NAGK: variants seen among roughly 807,000 people sequenced by gnomAD.
NAGK encodes N-acetyl-D-glucosamine kinase.
NAGK carries 35 observed loss-of-function variants against 42.9 expected under a neutral mutation model. That is an observed-to-expected ratio of 0.82 (90% CI 0.62 to 1.08). The LOEUF (loss-of-function observed/expected upper bound fraction) is 1.08. Among genes scored for constraint, NAGK ranks in the 50% least tolerant of loss-of-function variants. The pLI is 0.00. For synonymous variants in NAGK, 172 were observed against 176.0 expected, an observed-to-expected ratio of 0.98 and a Z score of 0.18; for missense variants, 446 against 446.0, an observed-to-expected ratio of 1.00 and a Z score of 0.00.
chr2:71,075,788 G>C (rs1205603464), intron 7 of NAGK, 146 bp downstream of exon 7: 5 of 773,410 alleles, frequency 6.5e-6, no homozygotes, highest in African/African-American at 5.2e-5. Flanking sequence ...CCTTGGTGGT[G>C]GTGGGCCTTG....
intron 7 of NAGK, chr2:71,076,358 C>G (rs929318263): frequency 2.5e-6 from 1 of 407,788 alleles, no homozygotes; most frequent in East Asian, 5.1e-5. Flanking sequence ...GCTGCCCTCC[C>G]TTCCTGAGTT....
chr2:71,078,206 GCATCTCTA>G, intron 9 of NAGK, 104 bp from the exon 10 acceptor site: 2 of 1,058,012 alleles, frequency 1.9e-6, no homozygotes, highest in Admixed American at 4.6e-5. Flanking sequence ...GGCCCCTCCA[GCATCTCTA>G]CAGGAGTACC....
chr2:71,068,541 C>CGCGCAT, upstream of NAGK: 2 of 1,471,348 alleles, frequency 1.4e-6, no homozygotes, highest in Non-Finnish European at 1.8e-6. Context: ...CGCCCCGCCC[C>CGCGCAT]GCGCATGCGC....
intron 6 of NAGK, among the ~76,000 whole-genome samples, chr2:71,074,116 G>A (rs1315259741): frequency 1.3e-5 from 2 of 152,178 alleles, no homozygotes; most frequent in East Asian, 3.8e-4. Flanking sequence ...TGGTAAGTTA[G>A]GAAACATCTG....
intron 8 of NAGK, among the ~76,000 whole-genome samples, chr2:71,076,916 A>G (rs1672232159): frequency 6.6e-6 from 1 of 152,168 alleles, no homozygotes; most frequent in Non-Finnish European, 1.5e-5. Context: ...ATTTATGTAT[A>G]GTAAATTAGT....
chr2:71,072,867 C>T (rs961691763), intron 5 of NAGK, 116 bp downstream of exon 5: 1 of 876,754 alleles, frequency 1.1e-6, no homozygotes, highest in African/African-American at 1.7e-5. Context: ...GGGACAACTC[C>T]TGAACCTGGC....
chr2:71,071,310 A>T (rs758016373), intron 3 of NAGK: 4 of 287,634 alleles, frequency 1.4e-5, no homozygotes, highest in Non-Finnish European at 2.6e-5. Flanking sequence ...AGCTCCAGCT[A>T]CTCCCTGGAC....
intron 9 of NAGK, 137 bp from the exon 10 acceptor site, chr2:71,078,181 G>A (rs1011365404): frequency 8.5e-5 from 67 of 785,014 alleles, no homozygotes; most frequent in Middle Eastern, 4.6e-4. Flanking sequence ...CTGTGTGCTG[G>A]GCACTTGGCA....
intron 6 of NAGK, 25 bp downstream of exon 6, chr2:71,073,619 A>C (rs1227635577): frequency 1.9e-6 from 3 of 1,544,156 alleles, no homozygotes; most frequent in Non-Finnish European, 2.7e-6. Flanking sequence ...CCCAGTAAAC[A>C]TGCGCACCTG....
chr2:71,078,301 T>C lies in NAGK; in HGVS notation c.845-17T>C. 1 of 1,611,846 alleles carries C rather than the reference T, an allele frequency of 6.2e-7. No individual in the cohort carries two copies. Among genetic ancestry groups the C allele is most frequent in the East Asian group, 2.2e-5 (1 of 44,874 alleles). On this transcript the variant is annotated splice_polypyrimidine_tract_variant and intron_variant, in intron 9 of 9. Transcript: ENST00000244204. ...GCTGTTCTCCTCTTATCTCTGTCCT[T>C]GTGTTCTTCCCTCCAGGTTTTCTTC...
At chr2:71,076,736 TG>T (rs755588363) in intron 8 of NAGK, 35 bp downstream of exon 8, 129 of 1,570,494 alleles carry the variant, frequency 8.2e-5, no homozygotes, top group Non-Finnish European at 1.1e-4. Flanking sequence ...GGGGAGCTGC[TG>T]GGTGAGGAGT....
At chr2:71,076,855 A>C (rs1016220656) in intron 8 of NAGK, among the ~76,000 whole-genome samples, 154 bp downstream of exon 8, 2 of 152,192 alleles carry the variant, frequency 1.3e-5, no homozygotes, top group African/African-American at 2.4e-5. Context: ...TGTCTGTAAC[A>C]AAAAAGTTCT....
In NAGK at chr2:71,078,911, C is replaced by T. The variant is rs1436366005; in HGVS notation, c.*403C>T. 2 of 164,036 alleles carry T rather than the reference C, an allele frequency of 1.2e-5. No homozygotes were observed. Among genetic ancestry groups the T allele is most frequent in the African/African-American group, 2.4e-5 (1 of 41,702 alleles). 10.2% of individuals were successfully genotyped at this position (164,036 alleles called of 1,614,324 possible). On this transcript the variant is annotated 3_prime_UTR_variant, in exon 10 of 10. Coordinates refer to ENST00000244204, the MANE Select transcript of NAGK (RefSeq NM_017567.6). ...CTGTCGTGTCAAGTGGGTAACGATC[C>T]CTGGCGACCACAGTCAGCAGAAACA...
intron 3 of NAGK, chr2:71,071,229 T>C: frequency 3.3e-6 from 1 of 306,708 alleles, no homozygotes; most frequent in Non-Finnish European, 6.3e-6. Context: ...GTATAGAGCC[T>C]GACCCATAAG....
Position 71,077,590 on chromosome 2 carries a change from C to G in NAGK, c.798C>G (p.Ile266Met). 6.2e-7 allele frequency: 1 copy of G among 1,609,728 alleles called. No individual in the cohort carries two copies. The highest frequency in any genetic ancestry group is 8.5e-7 in the Non-Finnish European group (1 of 1,178,076). ...TCCAGGGCAAGATTGGACTCCCCATCCTGTGCGTGGGCTCTGTGTGGAAGA... is the reference window on the plus strand; with the variant it reads ...TCCAGGGCAAGATTGGACTCCCCATGCTGTGCGTGGGCTCTGTGTGGAAGA... ...VLFQGKIGLP[I>M]LCVGSVWKSW... The change falls in exon 9 of 10, where the codon ATC (isoleucine) becomes ATG (methionine). Residue 266 changes from isoleucine (I) to methionine (M), a missense_variant. By Grantham distance (10) the Ile-to-Met change is conservative. Transcript: ENST00000244204.
chr2:71,070,531 T>C lies in NAGK; in HGVS notation c.59T>C (p.Val20Ala). The C allele has an allele frequency of 1.2e-6, 2 of 1,614,052 alleles. No homozygotes were observed. ...GGGTRSEVLL[V>A]SEDGKILAEA... ...GGCACACGATCCGAGGTCCTTTTAG[T>C]CTCAGAGGATGGGAAGATCCTGGCA... Residue 20 changes from valine to alanine, a missense_variant, in exon 2 of 10, where the codon GTC (valine) becomes GCC (alanine). Physicochemically the swap from Val to Ala is moderately conservative, Grantham distance 64. Transcript: ENST00000244204.
intron 7 of NAGK, 152 bp downstream of exon 7, chr2:71,075,794 C>T: frequency 1.4e-6 from 1 of 728,030 alleles, no homozygotes; most frequent in Admixed American, 2.4e-5. Context: ...TGGTGGTGGG[C>T]CTTGGGGTGG....
upstream of NAGK, chr2:71,068,580 G>C: frequency 4.6e-6 from 7 of 1,519,640 alleles, no homozygotes; most frequent in Non-Finnish European, 6.2e-6. Flanking sequence ...CTGGCTGCGC[G>C]GGAGGTCACG....
intron 8 of NAGK, 33 bp downstream of exon 8, chr2:71,076,734 G>A: frequency 1.3e-6 from 2 of 1,571,632 alleles, no homozygotes; most frequent in South Asian, 1.1e-5. Flanking sequence ...GTGGGGAGCT[G>A]CTGGGTGAGG....
Sources: gnomAD v4.1 joint callset for allele counts (sites outside exome capture counted in the v4.1 genomes callset) on GRCh38, gnomAD v4.1.1 for gene constraint, MANE v1.5 for transcripts, NCBI Gene and HGNC (gene_info 2026-07-23, HGNC 2026-07-21) for gene names.